The following LDB2 variants were observed in gnomAD, a reference collection of about 807,000 sequenced individuals.
The protein encoded by LDB2 is LIM domain binding 2, also known as LIM domain-binding protein 2.
In LDB2, 12 loss-of-function variants were observed where a neutral mutation model predicts 44.3. The observed-to-expected ratio is 0.27, with a 90% confidence interval of 0.17 to 0.44. The LOEUF is 0.44. Among genes scored for constraint, LDB2 ranks in the 20% least tolerant of loss-of-function variants. The pLI is 1.00. For synonymous variants in LDB2, 164 were observed against 174.8 expected (o/e 0.94, Z 0.49); for missense variants, 344 against 473.5 (o/e 0.73, Z 2.54).
chr4:16,845,955 A>C (rs772865580), intron 1 of LDB2, among the ~76,000 whole-genome samples: 2 of 152,002 alleles, frequency 1.3e-5, no homozygotes, highest in African/African-American at 2.4e-5. Flanking sequence ...CAAAAATACA[A>C]AAAATTAGCC....
At chr4:16,599,317 G>A (rs1721922813) in intron 2 of LDB2, among the ~76,000 whole-genome samples, 1 of 152,074 alleles carries the variant, frequency 6.6e-6, no homozygotes, top group African/African-American at 2.4e-5. Context: ...CACCTTTCAT[G>A]TGGCCCCTTC....
chr4:16,688,666 T>C (rs1044820859), intron 2 of LDB2, among the ~76,000 whole-genome samples: 1 of 152,174 alleles, frequency 6.6e-6, no homozygotes, highest in African/African-American at 2.4e-5. Flanking sequence ...TCAATTCAGC[T>C]GTGTTCAAAA....
At position 16,762,479 on chromosome 4, in the gene LDB2, T is replaced by G. The variant is rs375292773; in HGVS notation, c.133-3219A>C. Among the ~76,000 whole-genome samples the G allele has an allele frequency of 7.2e-5, 11 of 152,134 alleles. No homozygotes were observed. The South Asian group carries it at 2.3e-3, about 32-fold the overall frequency. On this transcript the variant is annotated intron_variant, in intron 1 of 7. Coordinates refer to ENST00000304523, the MANE Select transcript of LDB2 (RefSeq NM_001290.5). ...TAATTGACTCACAGTTCAGCATGGC[T>G]GGGGAGGCCTCAGGAAATTTACAAT... is the stretch of plus-strand genomic sequence containing the variant.
intron 5 of LDB2, among the ~76,000 whole-genome samples, chr4:16,521,951 G>A (rs1343421807): frequency 6.6e-6 from 1 of 152,256 alleles, no homozygotes; most frequent in East Asian, 1.9e-4. Context: ...TTGTGGCTAG[G>A]TATGCAAATT....
chr4:16,548,954 C>G (rs1007960397), intron 5 of LDB2, among the ~76,000 whole-genome samples: 20 of 152,262 alleles, frequency 1.3e-4, no homozygotes, highest in African/African-American at 4.6e-4. Context: ...AGACCTATGC[C>G]TGGAAGCAAA....
At chr4:16,524,351 A>C (rs73128921) in intron 5 of LDB2, among the ~76,000 whole-genome samples, 3,475 of 152,314 alleles carry the variant, frequency 0.023, 145 homozygotes, top group African/African-American at 0.079. Context: ...AAAGCGTGTC[A>C]GGAAGGGCTG....
chr4:16,816,511 C>A (rs186796180), intron 1 of LDB2, among the ~76,000 whole-genome samples: 2 of 149,704 alleles, frequency 1.3e-5, no homozygotes, highest in Non-Finnish European at 3.0e-5. Context: ...AGGGTTCAAG[C>A]GATTCTCCCA....
At chr4:16,585,432 C>G (rs1716426580) in intron 5 of LDB2, among the ~76,000 whole-genome samples, 1 of 152,188 alleles carries the variant, frequency 6.6e-6, no homozygotes, top group East Asian at 1.9e-4. Flanking sequence ...TTTTACCCAC[C>G]ACCAAATCTG....
chr4:16,807,561 C>A (rs781332186), intron 1 of LDB2, among the ~76,000 whole-genome samples: 15 of 152,192 alleles, frequency 9.9e-5, no homozygotes, highest in Non-Finnish European at 2.9e-5. Context: ...TGAGGAATAG[C>A]AGCTGTTGGT....
At chr4:16,853,688 G>A (rs1467608128) in intron 1 of LDB2, among the ~76,000 whole-genome samples, 1 of 152,142 alleles carries the variant, frequency 6.6e-6, no homozygotes, top group Non-Finnish European at 1.5e-5. Flanking sequence ...CATGTTCATT[G>A]CAGCATTTTC....
Position 16,502,642 on chromosome 4 carries a change from C to T in LDB2, c.*1G>A, listed in dbSNP as rs777581169. ...GACAGTGGATTCTGGTGCCGATCAT[C>T]TTATTGGGAAGCCTGGGGTGGGGGG... On this transcript the variant is annotated 3_prime_UTR_variant, in exon 8 of 8. Transcript: ENST00000304523. 6.2e-7 allele frequency: 1 copy of T among 1,613,650 alleles called. No individual in the cohort carries two copies. Among genetic ancestry groups the T allele is most frequent in the South Asian group, 1.1e-5 (1 of 91,080 alleles).
At chr4:16,831,134 T>A (rs975113532) in intron 1 of LDB2, among the ~76,000 whole-genome samples, 3 of 151,650 alleles carry the variant, frequency 2.0e-5, no homozygotes, top group African/African-American at 7.3e-5. Context: ...GCTCCATGAC[T>A]TCTAACCTGC....
At chr4:16,871,622 T>TTTC (rs1554057534) in intron 1 of LDB2, among the ~76,000 whole-genome samples, 1 of 12,790 alleles carries the variant, frequency 7.8e-5, no homozygotes, top group African/African-American at 8.2e-4. Context: ...CCACTCTTTC[T>TTTC]TTTTTTTTTT....
In LDB2 at chr4:16,595,881, A is replaced by T; in HGVS notation, c.236-6T>A. The T allele has an allele frequency of 6.2e-7, 1 of 1,611,942 alleles. No homozygotes were observed. The highest frequency in any genetic ancestry group is 8.5e-7 in the Non-Finnish European group (1 of 1,178,744). ...GATGAGGGTCCTGCCGATAGCTGGG[A>T]GAGAAACACAGAGAAACAAACCATT... On this transcript the variant is annotated splice_region_variant and splice_polypyrimidine_tract_variant and intron_variant, in intron 2 of 7. Coordinates refer to ENST00000304523, the MANE Select transcript of LDB2 (RefSeq NM_001290.5).
intron 1 of LDB2, among the ~76,000 whole-genome samples, chr4:16,895,886 C>G (rs138542342): frequency 6.6e-6 from 1 of 152,088 alleles, no homozygotes; most frequent in East Asian, 1.9e-4. Context: ...AAGGTACATA[C>G]ATCATGATCA....
chr4:16,813,692 T>G (rs1005688081), intron 1 of LDB2, among the ~76,000 whole-genome samples: 1 of 152,054 alleles, frequency 6.6e-6, no homozygotes. Flanking sequence ...AGCAAGACAG[T>G]GAGGGGACCA....
At chr4:16,692,359 G>A (rs958682302) in intron 2 of LDB2, among the ~76,000 whole-genome samples, 6 of 151,914 alleles carry the variant, frequency 3.9e-5, no homozygotes, top group Admixed American at 1.3e-4. Context: ...TAAGTCCCTC[G>A]GCAAAATACA....
At chr4:16,889,062 GTCTCTCTC>G (rs200868279) in intron 1 of LDB2, among the ~76,000 whole-genome samples, 2 of 146,306 alleles carry the variant, frequency 1.4e-5, no homozygotes, top group Admixed American at 6.8e-5. Flanking sequence ...TAGGACAAAT[GTCTCTCTC>G]TCTCTCTCTC....
intron 2 of LDB2, among the ~76,000 whole-genome samples, chr4:16,620,553 A>T (rs1355319897): frequency 1.3e-5 from 2 of 152,220 alleles, no homozygotes; most frequent in Non-Finnish European, 2.9e-5. Flanking sequence ...ATTCCCATTA[A>T]GGTGATACTT....
Sources: gnomAD v4.1 joint callset for allele counts (sites outside exome capture counted in the v4.1 genomes callset) on GRCh38, gnomAD v4.1.1 for gene constraint, MANE v1.5 for transcripts, NCBI Gene and HGNC (gene_info 2026-07-23, HGNC 2026-07-21) for gene names.